LCMT1: variants seen among roughly 807,000 people sequenced by gnomAD.
The protein encoded by LCMT1 is leucine carboxyl methyltransferase 1.
LCMT1 carries 32 observed loss-of-function variants against 47.7 expected under a neutral mutation model. The observed-to-expected ratio is 0.67, with a 90% CI of 0.51 to 0.90. The LOEUF (loss-of-function observed/expected upper bound fraction) is 0.90. Among genes scored for constraint, LCMT1 ranks in the 40% least tolerant of loss-of-function variants. The pLI is 0.00. For missense variants in LCMT1, 375 were observed against 415.2 expected (o/e 0.90, Z 0.84); for synonymous variants, 152 against 149.7 (o/e 1.02, Z -0.11).
chr16:25,125,302 TTCACCTG>T (rs1299431601), intron 1 of LCMT1, among the ~76,000 whole-genome samples: 1 of 152,226 alleles, frequency 6.6e-6, no homozygotes, highest in African/African-American at 2.4e-5. Flanking sequence ...ATTAGGTTTG[TTCACCTG>T]ATACTATAAC....
intron 8 of LCMT1, 81 bp from the exon 9 acceptor site, chr16:25,170,633 A>T: frequency 8.8e-7 from 1 of 1,133,646 alleles, no homozygotes; most frequent in Non-Finnish European, 1.3e-6. Context: ...TTGTCTCTTT[A>T]AAACAAAACA....
At chr16:25,166,174 G>A (rs1961582864) in intron 7 of LCMT1, among the ~76,000 whole-genome samples, 1 of 151,534 alleles carries the variant, frequency 6.6e-6, no homozygotes, top group South Asian at 2.1e-4. Flanking sequence ...GGAGGCTGAG[G>A]CAGGAGAATC....
At chr16:25,133,898 G>T (rs1462433471) in intron 3 of LCMT1, among the ~76,000 whole-genome samples, 2 of 151,738 alleles carry the variant, frequency 1.3e-5, no homozygotes, top group South Asian at 4.2e-4. Context: ...TGGGTGTGGT[G>T]GTGGGCACCC....
At chr16:25,120,754 T>TG (rs1253493078) in intron 1 of LCMT1, among the ~76,000 whole-genome samples, 14 of 137,834 alleles carry the variant, frequency 1.0e-4, no homozygotes, top group African/African-American at 4.1e-4. Flanking sequence ...TTTTTTTTGT[T>TG]TTTTTTTTTT....
At chr16:25,170,828 C>G in intron 9 of LCMT1, 23 bp downstream of exon 9, 1 of 1,493,908 alleles carries the variant, frequency 6.7e-7, no homozygotes, top group African/African-American at 1.4e-5. Context: ...TGAGCGTCAG[C>G]TTGATGGGCA....
intron 1 of LCMT1, among the ~76,000 whole-genome samples, chr16:25,124,426 T>G (rs1960095537): frequency 6.6e-6 from 1 of 152,250 alleles, no homozygotes; most frequent in African/African-American, 2.4e-5. Flanking sequence ...TCTCTATGTT[T>G]ATAGAATTAA....
intron 1 of LCMT1, among the ~76,000 whole-genome samples, chr16:25,125,614 CACGACA>C (rs1960145921): frequency 6.6e-6 from 1 of 151,880 alleles, no homozygotes; most frequent in Non-Finnish European, 1.5e-5. Flanking sequence ...GCGGGCGGAT[CACGACA>C]TCAGGAGTTT....
chr16:25,116,572 G>T (rs1237704906), intron 1 of LCMT1, among the ~76,000 whole-genome samples: 1 of 151,908 alleles, frequency 6.6e-6, no homozygotes, highest in Non-Finnish European at 1.5e-5. Context: ...AGGTCCTGGA[G>T]GTCAGTGCCA....
chr16:25,126,362 G>C (rs1268660912), intron 1 of LCMT1, among the ~76,000 whole-genome samples: 3 of 152,298 alleles, frequency 2.0e-5, no homozygotes, highest in African/African-American at 4.8e-5. Context: ...CCTCCTCTCT[G>C]TACTGGAGGC....
rs966419648 is a variant in LCMT1, at chr16:25,178,124, T to A, written c.*101T>A. On this transcript the variant is annotated 3_prime_UTR_variant, in exon 11 of 11. Transcript: ENST00000399069. ...GGTGGGCGGGCCTCGTCCGCAGGTC[T>A]CATCCCACACTCTTGAGAAGCCTTG... 1.5e-5 allele frequency: 16 copies of A among 1,050,786 alleles called. No homozygotes were observed. Among genetic ancestry groups the A allele is most frequent in the Non-Finnish European group, 2.1e-5 (14 of 681,838 alleles). The allele number at this position is 1,050,786 out of a possible 1,614,324, so 65.1% of individuals were successfully genotyped here. A position where few individuals can be genotyped will look rare whatever the true frequency, so the allele number is the denominator to read the frequency against.
intron 5 of LCMT1, among the ~76,000 whole-genome samples, chr16:25,155,042 C>CT (rs1961210555): frequency 6.6e-6 from 1 of 152,122 alleles, no homozygotes; most frequent in African/African-American, 2.4e-5. Flanking sequence ...TTTATCAAAC[C>CT]TACAAGGCTG....
At chr16:25,155,972 A>G (rs1279894671) in intron 5 of LCMT1, among the ~76,000 whole-genome samples, 1 of 152,106 alleles carries the variant, frequency 6.6e-6, no homozygotes, top group Non-Finnish European at 1.5e-5. Context: ...GAGCCCCCGC[A>G]CCTGCTCCTG....
chr16:25,122,715 A>T (rs913335800), intron 1 of LCMT1, among the ~76,000 whole-genome samples: 1 of 152,172 alleles, frequency 6.6e-6, no homozygotes, highest in Admixed American at 6.5e-5. Flanking sequence ...TTTCAGGCGT[A>T]GTTATCCTGT....
chr16:25,131,152 G>T lies in LCMT1; in HGVS notation c.206-1250G>T, dbSNP rs141117038. On this transcript the variant is annotated intron_variant, in intron 2 of 10. Transcript: ENST00000399069. Reference sequence around the variant, plus strand: ...ATTCTTGTGTGTGCAGGGAATCTTGGCTCTCAAGTTGGATCCTGTAGGTGG... The same window carrying T: ...ATTCTTGTGTGTGCAGGGAATCTTGTCTCTCAAGTTGGATCCTGTAGGTGG... Among the ~76,000 whole-genome samples, 245 of 152,312 alleles carry T rather than the reference G, an allele frequency of 1.6e-3. 2 individuals carry two copies. Among genetic ancestry groups the T allele is most frequent in the African/African-American group, 5.5e-3 (229 of 41,578 alleles).
chr16:25,140,800 G>A (rs1960663198), intron 4 of LCMT1: 1 of 153,496 alleles, frequency 6.5e-6, no homozygotes, highest in Non-Finnish European at 1.5e-5. Flanking sequence ...TCCTTCCTGA[G>A]GTGGGATACT....
intron 3 of LCMT1, among the ~76,000 whole-genome samples, chr16:25,139,713 G>T (rs923930538): frequency 1.5e-4 from 22 of 151,718 alleles, no homozygotes; most frequent in African/African-American, 4.6e-4. Flanking sequence ...TAATTTTTTT[G>T]CATGGACAGG....
rs753558466 is a variant in LCMT1, at chr16:25,151,635, A to G, written c.466+20A>G. 8 of 1,603,470 alleles carry G rather than the reference A, an allele frequency of 5.0e-6. No homozygotes were observed. Among genetic ancestry groups the G allele is most frequent in the Non-Finnish European group, 6.8e-6 (8 of 1,171,866 alleles). On this transcript the variant is annotated intron_variant, in intron 5 of 10. Transcript: ENST00000399069. ...AGATGGGCAAGTATCAAGCTAATGC[A>G]AAATGGACTGTATCAGTATTTTTGC...
intron 3 of LCMT1, among the ~76,000 whole-genome samples, chr16:25,136,090 CAAAAA>C (rs36051960): frequency 8.7e-5 from 6 of 69,176 alleles, no homozygotes; most frequent in South Asian, 5.5e-4. Context: ...GATGCTGTCT[CAAAAA>C]AAAAAAAAAA....
intron 7 of LCMT1, among the ~76,000 whole-genome samples, chr16:25,165,517 CTT>C (rs202030233): frequency 6.9e-6 from 1 of 145,314 alleles, no homozygotes; most frequent in Non-Finnish European, 1.5e-5. Context: ...CTTTTCTTTT[CTT>C]TTTTTTTTTC....
Sources: gnomAD v4.1 joint callset for allele counts (sites outside exome capture counted in the v4.1 genomes callset) on GRCh38, gnomAD v4.1.1 for gene constraint, MANE v1.5 for transcripts, NCBI Gene and HGNC (gene_info 2026-07-23, HGNC 2026-07-21) for gene names.